Variants in PRKCZ observed in about 807,000 individuals in gnomAD.
PRKCZ encodes protein kinase C zeta, also known as protein kinase C zeta type.
PRKCZ carries 33 observed loss-of-function variants against 79.5 expected under a neutral mutation model. That is an observed-to-expected ratio of 0.41 (90% CI 0.31 to 0.55). The LOEUF is 0.55. PRKCZ is among the 20% of genes least tolerant of loss of function. PRKCZ has a pLI of 0.19. For synonymous variants in PRKCZ, 342 were observed against 320.9 expected (o/e 1.07, Z -0.70); for missense variants, 578 against 813.5 (o/e 0.71, Z 3.52).
intron 5 of PRKCZ, among the ~76,000 whole-genome samples, chr1:2,138,211 A>G (rs941401844): frequency 6.6e-6 from 1 of 152,224 alleles, no homozygotes; most frequent in Non-Finnish European, 1.5e-5. Flanking sequence ...CCAGGAGAAG[A>G]GAGACTTTTC....
chr1:2,077,901 A>T (rs1217467986), intron 4 of PRKCZ, among the ~76,000 whole-genome samples: 1 of 152,076 alleles, frequency 6.6e-6, no homozygotes, highest in Non-Finnish European at 1.5e-5. Context: ...TTGAGTGTTT[A>T]CCTAATTGCG....
rs1331939600 is a variant in PRKCZ at position 2,165,035 on chromosome 1, A to G, written c.975-4483A>G. 1.3e-5 allele frequency among the ~76,000 whole-genome samples: 2 copies of G among 152,222 alleles called. No homozygotes were observed. Among genetic ancestry groups the G allele is most frequent in the African/African-American group, 4.8e-5 (2 of 41,456 alleles). ...ACGTGAGCCCCATTGTCGCTGGGAC[A>G]CACTGCCCTCCAGTGCTCGAGTGCA... On this transcript the variant is annotated intron_variant, in intron 10 of 17. Coordinates refer to ENST00000378567, the MANE Select transcript of PRKCZ (RefSeq NM_002744.6). The surrounding 1 kb of genome is among the most constrained non-coding windows in gnomAD (Gnocchi z 4.1).
At chr1:2,135,768 G>C (rs909660312) in intron 5 of PRKCZ, among the ~76,000 whole-genome samples, 1 of 152,250 alleles carries the variant, frequency 6.6e-6, no homozygotes, top group Admixed American at 6.5e-5. Flanking sequence ...AGCTCCTTCA[G>C]CCCCATCCCT....
intron 4 of PRKCZ, among the ~76,000 whole-genome samples, chr1:2,063,045 CT>C (rs1305920928): frequency 6.6e-6 from 1 of 152,112 alleles, no homozygotes; most frequent in East Asian, 1.9e-4. Flanking sequence ...TTTGTGACAG[CT>C]TATTTCACTC....
intron 16 of PRKCZ, 67 bp from the exon 17 acceptor site, chr1:2,184,516 C>A: frequency 8.2e-7 from 1 of 1,216,456 alleles, no homozygotes; most frequent in Non-Finnish European, 1.2e-6. Flanking sequence ...GAAGTGCGTG[C>A]AAAACACTCA....
chr1:2,083,189 C>T (rs1199399269), intron 4 of PRKCZ, among the ~76,000 whole-genome samples: 2 of 152,006 alleles, frequency 1.3e-5, no homozygotes, highest in Admixed American at 6.5e-5. Flanking sequence ...AGGGATTTTA[C>T]GGGAGGAGGG....
In PRKCZ at chr1:2,128,968, G is replaced by A. The variant is rs1176337708; in HGVS notation, c.335-6294G>A. ...GCTCCCTTCTCCTTTTCACAGCGCTGTCTGTCGCTTAGGTCAGAAATAGGC... is the reference window on the plus strand; with the variant it reads ...GCTCCCTTCTCCTTTTCACAGCGCTATCTGTCGCTTAGGTCAGAAATAGGC... On this transcript the variant is annotated intron_variant, in intron 4 of 17. Coordinates refer to ENST00000378567, the MANE Select transcript of PRKCZ (RefSeq NM_002744.6). This position sits in a 1 kb window ranked among gnomAD's most constrained non-coding sequence, Gnocchi z 6.5. Among the ~76,000 whole-genome samples, 1 of 152,102 alleles carries A rather than the reference G, an allele frequency of 6.6e-6. No homozygotes were observed. Among genetic ancestry groups the A allele is most frequent in the African/African-American group, 2.4e-5 (1 of 41,426 alleles).
At chr1:2,179,575 C>T (rs1351722145) in intron 16 of PRKCZ, among the ~76,000 whole-genome samples, 1 of 152,256 alleles carries the variant, frequency 6.6e-6, no homozygotes, top group Non-Finnish European at 1.5e-5. Context: ...TGCTGCCCAA[C>T]CCCACGTGTC....
At position 2,177,943 on chromosome 1, in the gene PRKCZ, C is replaced by T. The variant is rs1412602736; in HGVS notation, c.1575+2630C>T. On this transcript the variant is annotated intron_variant, in intron 16 of 17. Coordinates refer to ENST00000378567, the MANE Select transcript of PRKCZ (RefSeq NM_002744.6). This position sits in a 1 kb window ranked among gnomAD's most constrained non-coding sequence, Gnocchi z 6.4. ...CTCTGCCACCGACCGCCGACCCTGC[C>T]TCTGCCGTTTCCTTGCCACCCATCA... 1.3e-5 allele frequency among the ~76,000 whole-genome samples: 2 copies of T among 152,286 alleles called. No individual in the cohort carries two copies. Among genetic ancestry groups the T allele is most frequent in the South Asian group, 2.1e-4 (1 of 4,824 alleles).
chr1:2,151,109 T>G, intron 9 of PRKCZ, 131 bp downstream of exon 9: 2 of 1,121,322 alleles, frequency 1.8e-6, no homozygotes, highest in African/African-American at 1.6e-5. Context: ...GCAAAATCAA[T>G]AGTCATGCAT....
At chr1:2,100,275 G>C (rs981926319) in intron 4 of PRKCZ, among the ~76,000 whole-genome samples, 5 of 152,210 alleles carry the variant, frequency 3.3e-5, no homozygotes, top group Admixed American at 3.3e-4. Flanking sequence ...CCCACGTCAG[G>C]GTGACCATCT....
intron 4 of PRKCZ, among the ~76,000 whole-genome samples, chr1:2,110,952 C>T (rs546349747): frequency 2.0e-5 from 3 of 152,098 alleles, no homozygotes; most frequent in Non-Finnish European, 4.4e-5. Context: ...CACGTCCCTG[C>T]GGCCTTCCCC....
intron 5 of PRKCZ, among the ~76,000 whole-genome samples, chr1:2,140,618 C>T (rs889355966): frequency 6.6e-6 from 1 of 151,846 alleles, no homozygotes; most frequent in African/African-American, 2.4e-5. Flanking sequence ...GAACATGCCA[C>T]TGTACTCCAG....
intron 4 of PRKCZ, among the ~76,000 whole-genome samples, chr1:2,134,388 T>C (rs908877352): frequency 6.6e-6 from 1 of 152,250 alleles, no homozygotes; most frequent in African/African-American, 2.4e-5. Flanking sequence ...GCTTTTATGA[T>C]GGAATTTTAT....
chr1:2,129,032 C>T (rs1010993235), intron 4 of PRKCZ, among the ~76,000 whole-genome samples: 1 of 152,018 alleles, frequency 6.6e-6, no homozygotes, highest in Non-Finnish European at 1.5e-5. Flanking sequence ...ACTGAAAATT[C>T]GACTGTGACT....
At chr1:2,103,338 G>T (rs924949277) in intron 4 of PRKCZ, among the ~76,000 whole-genome samples, 1 of 152,258 alleles carries the variant, frequency 6.6e-6, no homozygotes, top group Non-Finnish European at 1.5e-5. Flanking sequence ...CACAGCTGCC[G>T]CAGTAGTAAG....
At chr1:2,148,733 A>T (rs2103187206) in intron 7 of PRKCZ, 139 bp from the exon 8 acceptor site, 1 of 807,948 alleles carries the variant, frequency 1.2e-6, no homozygotes, top group Non-Finnish European at 1.9e-6. Flanking sequence ...AAGACTCTAA[A>T]TTAGAATCAG....
intron 8 of PRKCZ, among the ~76,000 whole-genome samples, chr1:2,150,155 C>T (rs7544743): frequency 0.037 from 5,300 of 142,276 alleles, 355 homozygotes; most frequent in African/African-American, 0.13. Flanking sequence ...GAGCCAGACT[C>T]CGTCTCAAAA....
intron 16 of PRKCZ, among the ~76,000 whole-genome samples, chr1:2,179,921 A>G (rs544165239): frequency 8.8e-4 from 134 of 152,238 alleles, no homozygotes; most frequent in African/African-American, 3.1e-3. Flanking sequence ...AAAGACGCAG[A>G]GGAGGGCAGG....
Sources: allele counts gnomAD v4.1 joint callset (sites outside exome capture counted in the v4.1 genomes callset), GRCh38; gene constraint gnomAD v4.1.1; non-coding constraint Gnocchi (gnomAD v3.1); transcripts MANE v1.5; gene names NCBI Gene and HGNC (gene_info 2026-07-23, HGNC 2026-07-21).